Variants in LRRC24 observed in about 807,000 individuals in gnomAD.
LRRC24 encodes leucine-rich repeat-containing protein 24.
A neutral mutation model predicts 15.3 loss-of-function variants in LRRC24; 19 were observed. That is an observed-to-expected ratio of 1.25 (90% CI 0.87 to 1.83). The LOEUF (loss-of-function observed/expected upper bound fraction) is 1.83. LRRC24 is among the 40% of genes most tolerant of loss of function. The pLI is 0.00. For missense variants in LRRC24, 914 were observed against 723.9 expected (o/e 1.26, Z -3.01); for synonymous variants, 469 against 359.6 (o/e 1.30, Z -3.44).
chr8:144,523,657 G>A (rs932268057), intron 4 of LRRC24: 2 of 493,658 alleles, frequency 4.1e-6, no homozygotes, highest in East Asian at 6.9e-5. Flanking sequence ...GTCGGTCTCT[G>A]AGAAAGCACC....
chr8:144,522,693 C>A lies in LRRC24; in HGVS notation c.1324G>T (p.Gly442Ter). The change falls in exon 5 of 5, where the codon GGA becomes TGA. Residue 442 changes from glycine (G) to a stop codon, truncating the protein, a stop_gained. Coordinates refer to ENST00000529415, the MANE Select transcript of LRRC24 (RefSeq NM_001024678.4). LOFTEE classifies it low-confidence loss of function (END_TRUNC). ...AAGTAGTCGTTGACGAACAGCGCTC[C>A]CTCCCCCGGAGGCCCCCGCGCCTTT... Reference protein sequence around the residue: ...RKKARGPPGEGALFVNDYLDG... With the variant: ...RKKARGPPGE 1 of 1,597,000 alleles carries A rather than the reference C, an allele frequency of 6.3e-7. No homozygotes were observed.
Position 144,524,696 on chromosome 8 carries a change from G to A in LRRC24, c.183C>T (p.Asn61=). 1 of 1,466,670 alleles carries A rather than the reference G, an allele frequency of 6.8e-7. No individual in the cohort carries two copies. Among genetic ancestry groups the A allele is most frequent in the South Asian group, 1.4e-5 (1 of 73,412 alleles). The allele number at this position is 1,466,670 out of a possible 1,614,324, so 90.9% of individuals were successfully genotyped here. Residue 61 remains asparagine (N), a synonymous_variant, in exon 3 of 5, where the codon AAC becomes AAT. Transcript: ENST00000529415. The stretch of plus-strand genomic sequence containing the variant: ...GGGCTCCCGGCTCTAGGCGGGCGAT[G>A]TTGTTGTCCTGCAGGAACAGTGTCT... ...GTQTLFLQDN[N]IARLEPGALA... is the part of the protein sequence containing the mutation.
rs1816291950 is a variant in LRRC24, at chr8:144,524,714, C to T, written c.165G>A (p.Leu55=). 4 of 1,451,948 alleles carry T rather than the reference C, an allele frequency of 2.8e-6. No homozygotes were observed. The highest frequency in any genetic ancestry group is 1.4e-5 in the South Asian group (1 of 71,764). 89.9% of individuals were successfully genotyped at this position (1,451,948 alleles called of 1,614,324 possible). ...GGGCGATGTTGTTGTCCTGCAGGAACAGTGTCTGCAGGCCGGGGAAAGAGG... is the reference window on the plus strand; with the variant it reads ...GGGCGATGTTGTTGTCCTGCAGGAATAGTGTCTGCAGGCCGGGGAAAGAGG... The part of the protein sequence containing the change: ...PLGIPPGTQT[L]FLQDNNIARL... The change falls in exon 3 of 5, where the codon CTG becomes CTA. Residue 55 remains leucine, a synonymous_variant. Coordinates refer to ENST00000529415, the MANE Select transcript of LRRC24 (RefSeq NM_001024678.4).
Position 144,522,953 on chromosome 8 carries a change from C to T in LRRC24, c.1064G>A (p.Arg355His). ...CEASNAGGAARVPFRLLVNAS... is the reference protein window; with the variant it reads ...CEASNAGGAAHVPFRLLVNAS... Reference sequence around the variant, plus strand: ...GTTGACCAGGAGCCGGAAGGGCACGCGGGCAGCGCCGCCGGCGTTGGAGGC... The same window carrying T: ...GTTGACCAGGAGCCGGAAGGGCACGTGGGCAGCGCCGCCGGCGTTGGAGGC... The change falls in exon 5 of 5, where the codon CGC becomes CAC. Residue 355 changes from arginine to histidine, a missense_variant. By Grantham distance (29) the Arg-to-His change is conservative. Coordinates refer to ENST00000529415, the MANE Select transcript of LRRC24 (RefSeq NM_001024678.4). 2 of 1,572,290 alleles carry T rather than the reference C, an allele frequency of 1.3e-6. No individual in the cohort carries two copies. Among genetic ancestry groups the T allele is most frequent in the South Asian group, 1.1e-5 (1 of 88,384 alleles).
rs758728596 is a variant in LRRC24 at position 144,524,092 on chromosome 8, T to C, written c.607+18A>G. On this transcript the variant is annotated intron_variant, in intron 4 of 4. Transcript: ENST00000529415. ...AACACCGTGGCCCAGACAGAGACGCTTTCCGAGGAAGAGGTACCTGTGAGG... is the reference window on the plus strand; with the variant it reads ...AACACCGTGGCCCAGACAGAGACGCCTTCCGAGGAAGAGGTACCTGTGAGG... The C allele has an allele frequency of 6.3e-7, 1 of 1,591,474 alleles. No individual in the cohort carries two copies. Among genetic ancestry groups the C allele is most frequent in the Non-Finnish European group, 8.6e-7 (1 of 1,164,466 alleles).
At position 144,522,453 on chromosome 8, in the gene LRRC24, C is replaced by T. The variant is rs1320281982; in HGVS notation, c.*22G>A. On this transcript the variant is annotated 3_prime_UTR_variant, in exon 5 of 5. Transcript: ENST00000529415. ...CGCACCGGCCAATCTCCGGCGCCCA[C>T]GTCATCCGCGCGCCCGCGGCCCTAG... 13 of 1,398,618 alleles carry T rather than the reference C, an allele frequency of 9.3e-6. No individual in the cohort carries two copies. The highest frequency in any genetic ancestry group is 1.2e-5 in the Non-Finnish European group (13 of 1,085,298). 86.6% of individuals were successfully genotyped at this position (1,398,618 alleles called of 1,614,324 possible). A position where few individuals can be genotyped will look rare whatever the true frequency, so the allele number is the denominator to read the frequency against.
In LRRC24 at chr8:144,524,284, G is replaced by A. The variant is rs1178265789; in HGVS notation, c.439-6C>T. ...AGGTGAAGCTCCTGCAGTCGCTGAA[G>A]TAAGGACAGCAGATCGTGAGGAAAA... On this transcript the variant is annotated splice_region_variant and splice_polypyrimidine_tract_variant and intron_variant, in intron 3 of 4. Transcript: ENST00000529415. The A allele has an allele frequency of 5.0e-6, 8 of 1,611,210 alleles. No homozygotes were observed. Among genetic ancestry groups the A allele is most frequent in the Non-Finnish European group, 6.8e-6 (8 of 1,179,918 alleles).
intron 1 of LRRC24, 143 bp from the exon 2 acceptor site, chr8:144,525,176 A>C: frequency 2.0e-6 from 1 of 507,164 alleles, no homozygotes. Flanking sequence ...CCTTTGACAA[A>C]AACATTTTCT....
chr8:144,524,336 C>G, intron 3 of LRRC24, 58 bp from the exon 4 acceptor site: 3 of 1,599,658 alleles, frequency 1.9e-6, no homozygotes, highest in South Asian at 2.2e-5. Flanking sequence ...GGGCATGTCT[C>G]TCTTCTTACC....
intron 3 of LRRC24, 72 bp downstream of exon 3, chr8:144,524,369 C>T: frequency 6.3e-7 from 1 of 1,594,176 alleles, no homozygotes; most frequent in East Asian, 2.2e-5. Flanking sequence ...GTTGCCTTTT[C>T]TAACTATTCC....
intron 4 of LRRC24, 96 bp downstream of exon 4, chr8:144,524,014 C>A (rs1227117565): frequency 2.8e-6 from 4 of 1,414,506 alleles, no homozygotes; most frequent in East Asian, 2.3e-5. Flanking sequence ...CAGACTGCTG[C>A]CCAGTTGCCT....
Position 144,523,041 on chromosome 8 carries a change from C to T in LRRC24, c.976G>A (p.Gly326Ser), listed in dbSNP as rs1051555903. 6.2e-6 allele frequency: 10 copies of T among 1,602,408 alleles called. No homozygotes were observed. The highest frequency in any genetic ancestry group is 2.7e-5 in the African/African-American group (2 of 74,618). Residue 326 changes from glycine to serine, a missense_variant, in exon 5 of 5, where the codon GGC becomes AGC. Transcript: ENST00000529415. ...GLGGHSASDT[G>S]SGMLFLSNIT... Reference sequence around the variant, plus strand: ...TTGCTGAGGAAGAGCATGCCGCTGCCCGTGTCGGATGCCGAGTGTCCGCCC... The same window carrying T: ...TTGCTGAGGAAGAGCATGCCGCTGCTCGTGTCGGATGCCGAGTGTCCGCCC...
chr8:144,524,109 C>T lies in LRRC24; in HGVS notation c.607+1G>A. 3 of 1,596,642 alleles carry T rather than the reference C, an allele frequency of 1.9e-6. No individual in the cohort carries two copies. The highest frequency in any genetic ancestry group is 2.6e-6 in the Non-Finnish European group (3 of 1,167,928). ...AGAGACGCTTTCCGAGGAAGAGGTACCTGTGAGGCGCAGGACTTGCAGACT... is the reference window on the plus strand; with the variant it reads ...AGAGACGCTTTCCGAGGAAGAGGTATCTGTGAGGCGCAGGACTTGCAGACT... On this transcript the variant is annotated splice_donor_variant, in intron 4 of 4. Transcript: ENST00000529415. LOFTEE classifies it high-confidence loss of function.
rs777754333 is a variant in LRRC24 at position 144,523,308 on chromosome 8, C to T, written c.709G>A (p.Ala237Thr). ...LTSRDRKIMC[A>T]EPPRLALQSL... ...TGGAGCGCCAGGCGCGGGGGCTCTGCACACATGATCTTCCTGTCCCTGGAG... is the reference window on the plus strand; with the variant it reads ...TGGAGCGCCAGGCGCGGGGGCTCTGTACACATGATCTTCCTGTCCCTGGAG... The change falls in exon 5 of 5, where the codon GCA (alanine) becomes ACA (threonine). Residue 237 changes from alanine to threonine, a missense_variant. Physicochemically the swap from Ala to Thr is moderately conservative, Grantham distance 58. Coordinates refer to ENST00000529415, the MANE Select transcript of LRRC24 (RefSeq NM_001024678.4). 3.7e-6 allele frequency: 6 copies of T among 1,610,270 alleles called. No homozygotes were observed. The East Asian group carries it at 1.3e-4, about 36-fold the overall frequency.
rs973747412 is a variant in LRRC24 at position 144,522,577 on chromosome 8, G to A, written c.1440C>T (p.Phe480=). 6.4e-7 allele frequency: 1 copy of A among 1,557,020 alleles called. No homozygotes were observed. Among genetic ancestry groups the A allele is most frequent in the South Asian group, 1.2e-5 (1 of 84,716 alleles). The change falls in exon 5 of 5, where the codon TTC becomes TTT. Residue 480 remains phenylalanine, a synonymous_variant. Coordinates refer to ENST00000529415, the MANE Select transcript of LRRC24 (RefSeq NM_001024678.4). ...MFVINRSKPL[F]AEGPAEAPAD... ...CGGGCGCCTCCGCCGGACCCTCGGC[G>A]AAGAGCGGCTTGGAGCGGTTGATGA...
At position 144,524,635 on chromosome 8, in the gene LRRC24, G is replaced by C. The variant is rs1454526626; in HGVS notation, c.244C>G (p.His82Asp). 2.0e-6 allele frequency: 3 copies of C among 1,520,024 alleles called. No individual in the cohort carries two copies. Among genetic ancestry groups the C allele is most frequent in the Non-Finnish European group, 2.6e-6 (3 of 1,142,152 alleles). 94.2% of individuals were successfully genotyped at this position (1,520,024 alleles called of 1,614,324 possible). The change falls in exon 3 of 5, where the codon CAC (histidine) becomes GAC (aspartate). Residue 82 changes from histidine to aspartate, a missense_variant. Physicochemically the swap from His to Asp is moderately conservative, Grantham distance 81. Transcript: ENST00000529415. ...TCCAGGGCGCGCAGGCTGTTGTTGTGCAGGTAGAGCCGGCGCAGAGCGGCG... is the reference window on the plus strand; with the variant it reads ...TCCAGGGCGCGCAGGCTGTTGTTGTCCAGGTAGAGCCGGCGCAGAGCGGCG... ...PLAALRRLYL[H>D]NNSLRALEAG...
rs756437049 is a variant in LRRC24, at chr8:144,522,808, T to C, written c.1209A>G (p.Thr403=). ...CGATGGCCGCCGCAATGGCCGTCTG[T>C]GTGGCCACGCCCAGGGCGCGGAAGG... ...SMAFRALGVA[T]QTAIAAAIAL... The change falls in exon 5 of 5, where the codon ACA becomes ACG. Residue 403 remains threonine, a synonymous_variant. Transcript: ENST00000529415. 1.2e-5 allele frequency: 19 copies of C among 1,526,246 alleles called. No homozygotes were observed. The South Asian group carries it at 2.2e-4, about 18-fold the overall frequency. The allele number at this position is 1,526,246 out of a possible 1,614,324, so 94.5% of individuals were successfully genotyped here.
chr8:144,523,862 T>C (rs1816234941), intron 4 of LRRC24: 1 of 532,648 alleles, frequency 1.9e-6, no homozygotes, highest in African/African-American at 1.9e-5. Context: ...AGCCTAAAAG[T>C]GTGCAGAACC....
intron 4 of LRRC24, chr8:144,523,623 C>T (rs1158843714): frequency 1.3e-5 from 8 of 605,746 alleles, no homozygotes; most frequent in East Asian, 3.3e-5. Flanking sequence ...TCTGTGATGC[C>T]TGCCTGTTAC....
Sources: gnomAD v4.1 joint callset for allele counts on GRCh38, gnomAD v4.1.1 for gene constraint, MANE v1.5 for transcripts, NCBI Gene and HGNC (gene_info 2026-07-23, HGNC 2026-07-21) for gene names.